Variants in NBPF8 observed in about 807,000 individuals in gnomAD.
The protein encoded by NBPF8 is NBPF member 8, also known as NBPF family member NBPF8.
intron 24 of NBPF8, among the ~76,000 whole-genome samples, chr1:120,465,774 GTC>G (rs1271555140): frequency 1.3e-5 from 2 of 149,138 alleles, no homozygotes; most frequent in African/African-American, 2.5e-5. Context: ...CTCTGTCTCT[GTC>G]TCTCTCTCTC....
At chr1:120,466,175 C>G (rs1661743307) in exon 25 of NBPF8, 3 of 1,609,558 alleles carry the variant, frequency 1.9e-6, no homozygotes, top group African/African-American at 1.3e-5. Context: ...TTGACGGTGA[C>G]AAGTCTCTAT....
At chr1:120,452,523 A>C in intron 13 of NBPF8, among the ~76,000 whole-genome samples, 192 bp downstream of exon 11, 1 of 151,940 alleles carries the variant, frequency 6.6e-6, no homozygotes, top group Non-Finnish European at 1.5e-5. Context: ...ACAGTATTGC[A>C]AGTGTCCCTC....
chr1:120,415,514 G>A (rs1235535694), upstream of NBPF8, among the ~76,000 whole-genome samples: 3 of 152,174 alleles, frequency 2.0e-5, no homozygotes, highest in Non-Finnish European at 4.4e-5. Context: ...ACTCGCTGGC[G>A]GGTGTTCTGT....
At chr1:120,428,126 G>T (rs1185949270) in intron 3 of NBPF8, among the ~76,000 whole-genome samples, 1 of 151,934 alleles carries the variant, frequency 6.6e-6, no homozygotes, top group Non-Finnish European at 1.5e-5. Flanking sequence ...AGATGATACG[G>T]TTTATAATAT....
chr1:120,453,642 G>A (rs1323131937), intron 14 of NBPF8, among the ~76,000 whole-genome samples, 198 bp downstream of exon 12: 38 of 151,828 alleles, frequency 2.5e-4, no homozygotes, highest in Non-Finnish European at 3.8e-4. Context: ...TGTCTGTACC[G>A]TACAGGGATA....
At chr1:120,464,441 A>C (rs1304513104) in exon 23 of NBPF8, 4 of 777,470 alleles carry the variant, frequency 5.1e-6, no homozygotes, top group Non-Finnish European at 7.1e-6. Context: ...GATAGATGTT[A>C]TTCAACTCCT....
intron 23 of NBPF8, 95 bp downstream of exon 21, chr1:120,464,643 T>A: frequency 1.4e-6 from 1 of 736,710 alleles, no homozygotes. Context: ...AGCTGAGAGA[T>A]GTCATTGCCA....
chr1:120,436,787 T>C (rs1661096561), intron 1 of NBPF8, 90 bp downstream of exon 4: 1 of 679,446 alleles, frequency 1.5e-6, no homozygotes, highest in Non-Finnish European at 2.5e-6. Flanking sequence ...TCAAAAATAA[T>C]TTCATCCTTC....
intron 1 of NBPF8, among the ~76,000 whole-genome samples, chr1:120,420,712 A>G (rs1208169406): frequency 2.8e-5 from 4 of 144,798 alleles, no homozygotes; most frequent in Non-Finnish European, 4.5e-5. Flanking sequence ...CTTAGAATTT[A>G]TGGGCCACAG....
Position 120,427,957 on chromosome 1 carries a change from G to A in NBPF8, n.510+110G>A, listed in dbSNP as rs1389329810. Among the ~76,000 whole-genome samples the A allele has an allele frequency of 2.4e-3, 366 of 152,148 alleles. 1 individual carries two copies. Among genetic ancestry groups the A allele is most frequent in the Middle Eastern group, 0.01 (3 of 294 alleles). On this transcript the variant is annotated intron_variant and non_coding_transcript_variant, in intron 3 of 28. Coordinates refer to the NBPF8 transcript ENST00000652355. The stretch of plus-strand genomic sequence containing the variant: ...TAATCTAGCCCATATGCTTAGCTGA[G>A]TTTTCTTTGTATCACTTTAAATGAT...
chr1:120,452,264 G>T, exon 13 of NBPF8: 1 of 1,343,426 alleles, frequency 7.4e-7, no homozygotes, highest in Non-Finnish European at 1.1e-6. Flanking sequence ...CCCAGGGGCA[G>T]GACCTCCAAG....
upstream of NBPF8, chr1:120,433,373 C>G (rs1660940094): frequency 1.3e-5 from 2 of 152,698 alleles, no homozygotes; most frequent in Middle Eastern, 6.8e-3. Flanking sequence ...AATACAGACT[C>G]AAACAATATG....
exon 25 of NBPF8, chr1:120,467,727 C>T (rs1318367382): frequency 6.6e-6 from 1 of 151,868 alleles, no homozygotes; most frequent in Non-Finnish European, 1.5e-5. Context: ...CAATTAAAAC[C>T]TTTTGCCTAT....
At chr1:120,459,754 C>A (rs1661524150) in intron 17 of NBPF8, among the ~76,000 whole-genome samples, 1 of 152,222 alleles carries the variant, frequency 6.6e-6, no homozygotes, top group African/African-American at 2.4e-5. Flanking sequence ...ATGCCCGTGC[C>A]AACCTGGACT....
At chr1:120,425,475 G>A (rs1180287279) in intron 1 of NBPF8, among the ~76,000 whole-genome samples, 1 of 152,030 alleles carries the variant, frequency 6.6e-6, no homozygotes, top group African/African-American at 2.4e-5. Context: ...TTTACCTGCT[G>A]ATCTTGTCTC....
intron 3 of NBPF8, among the ~76,000 whole-genome samples, 141 bp downstream of exon 3, chr1:120,427,988 C>G (rs1256395740): frequency 2.0e-5 from 3 of 152,244 alleles, no homozygotes; most frequent in African/African-American, 7.2e-5. Context: ...ATGATGATGT[C>G]CCTTGTTCAA....
At chr1:120,449,600 C>A (rs587733321) in intron 11 of NBPF8, among the ~76,000 whole-genome samples, 198 bp downstream of exon 9, 6 of 151,774 alleles carry the variant, frequency 4.0e-5, no homozygotes, top group Admixed American at 3.9e-4. Context: ...TGTTTTCAAT[C>A]AGGTGGGGGT....
chr1:120,427,907 G>A (rs1265230699), intron 3 of NBPF8, among the ~76,000 whole-genome samples, 60 bp downstream of exon 3: 1 of 151,508 alleles, frequency 6.6e-6, no homozygotes, highest in Non-Finnish European at 1.5e-5. Context: ...TTCCAGGGCA[G>A]AGATGGGTCC....
upstream of NBPF8, among the ~76,000 whole-genome samples, chr1:120,431,785 G>T (rs1419404229): frequency 4.6e-5 from 7 of 151,880 alleles, no homozygotes; most frequent in East Asian, 1.4e-3. Context: ...TACACACTGT[G>T]TCTGCACAGT....
Sources: allele counts gnomAD v4.1 joint callset (sites outside exome capture counted in the v4.1 genomes callset), GRCh38; gene constraint gnomAD v4.1.1; transcripts MANE v1.5; gene names NCBI Gene and HGNC (gene_info 2026-07-23, HGNC 2026-07-21).